Variants in USH2A observed in about 807,000 individuals in gnomAD.
USH2A encodes usherin.
USH2A carries 443 observed loss-of-function variants against 538.9 expected under a neutral mutation model. The observed-to-expected ratio is 0.82, with a 90% CI of 0.76 to 0.89. The LOEUF is 0.89. USH2A is among the 40% of genes least tolerant of loss of function. The probability of loss-of-function intolerance (pLI) is 0.00; values close to 1 mark genes in which losing one functional copy is unlikely to be tolerated. For synonymous variants in USH2A, 2,413 were observed against 2,273.5 expected (o/e 1.06, Z -1.75); for missense variants, 6,633 against 6,324.8 (o/e 1.05, Z -1.65).
intron 11 of USH2A, among the ~76,000 whole-genome samples, chr1:216,270,954 C>T (rs1324143284): frequency 6.6e-6 from 1 of 152,080 alleles, no homozygotes; most frequent in East Asian, 1.9e-4. Context: ...AAAGAGGATG[C>T]ACTTTCTGTA....
rs1408138735 is a variant in USH2A, at chr1:215,624,192, A to C, written c.*1589T>G. The C allele has an allele frequency of 6.6e-6, 1 of 152,202 alleles. No homozygotes were observed. Among genetic ancestry groups the C allele is most frequent in the East Asian group, 1.9e-4 (1 of 5,204 alleles). 9.4% of individuals were successfully genotyped at this position (152,202 alleles called of 1,614,324 possible). Reference sequence around the variant, plus strand: ...TATTTCAGATGCTTTTGTTTATAGCAGTTCTAATAAGGTGGTAGAACTTCT... The same window carrying C: ...TATTTCAGATGCTTTTGTTTATAGCCGTTCTAATAAGGTGGTAGAACTTCT... On this transcript the variant is annotated 3_prime_UTR_variant, in exon 72 of 72. Coordinates refer to ENST00000307340, the MANE Select transcript of USH2A (RefSeq NM_206933.4).
intron 32 of USH2A, among the ~76,000 whole-genome samples, chr1:216,019,096 G>C (rs751310796): frequency 9.9e-5 from 15 of 152,094 alleles, no homozygotes; most frequent in African/African-American, 3.6e-4. Flanking sequence ...ATGCAGTCAA[G>C]TATGACAATA....
chr1:215,654,052 A>T (rs1344053791), intron 64 of USH2A, among the ~76,000 whole-genome samples: 1 of 152,172 alleles, frequency 6.6e-6, no homozygotes, highest in African/African-American at 2.4e-5. Flanking sequence ...ATTATTGGGG[A>T]AGAAAAGCAA....
intron 43 of USH2A, among the ~76,000 whole-genome samples, chr1:215,868,731 A>G (rs1185648932): frequency 3.3e-5 from 5 of 152,176 alleles, no homozygotes; most frequent in Non-Finnish European, 5.9e-5. Context: ...AGAGAGAGAA[A>G]TTTTATAGAC....
chr1:215,890,690 C>G (rs957245341), intron 40 of USH2A, among the ~76,000 whole-genome samples: 2 of 152,168 alleles, frequency 1.3e-5, no homozygotes. Context: ...CTCTGGTATA[C>G]AGTAGCAGTA....
chr1:215,719,934 G>A (rs2102705933), intron 61 of USH2A, among the ~76,000 whole-genome samples: 1 of 152,254 alleles, frequency 6.6e-6, no homozygotes, highest in Admixed American at 6.5e-5. Flanking sequence ...GGAAGAGAGA[G>A]GACTCAAAAA....
At chr1:215,890,954 T>C (rs1665193757) in intron 40 of USH2A, among the ~76,000 whole-genome samples, 1 of 152,088 alleles carries the variant, frequency 6.6e-6, no homozygotes, top group Admixed American at 6.5e-5. Flanking sequence ...AATCAGAATA[T>C]TTTTTATTAG....
At chr1:215,824,213 T>A (rs1663094064) in intron 47 of USH2A, among the ~76,000 whole-genome samples, 1 of 152,194 alleles carries the variant, frequency 6.6e-6, no homozygotes, top group Non-Finnish European at 1.5e-5. Flanking sequence ...CTCTCATATA[T>A]TACTCTTCTC....
intron 32 of USH2A, among the ~76,000 whole-genome samples, chr1:216,042,857 G>A (rs1470599305): frequency 6.6e-6 from 1 of 152,022 alleles, no homozygotes; most frequent in East Asian, 1.9e-4. Flanking sequence ...GGCATCCTCA[G>A]AGGAAGAGGA....
chr1:216,408,616 T>C (rs1239652748), intron 3 of USH2A, among the ~76,000 whole-genome samples: 2 of 152,214 alleles, frequency 1.3e-5, no homozygotes, highest in African/African-American at 4.8e-5. Context: ...CAGCATATGA[T>C]CTTTTCTCTT....
chr1:216,260,979 A>G, intron 11 of USH2A, among the ~76,000 whole-genome samples: 1 of 152,204 alleles, frequency 6.6e-6, no homozygotes, highest in East Asian at 1.9e-4. Flanking sequence ...AACCTCTGCA[A>G]AGTAAAGCTG....
At chr1:216,365,612 G>C (rs1365329420) in intron 3 of USH2A, among the ~76,000 whole-genome samples, 3 of 152,088 alleles carry the variant, frequency 2.0e-5, no homozygotes, top group Non-Finnish European at 4.4e-5. Flanking sequence ...ACAAAAAGTT[G>C]CCAATCATAT....
intron 54 of USH2A, among the ~76,000 whole-genome samples, chr1:215,780,745 G>A (rs1418779935): frequency 6.6e-6 from 1 of 152,234 alleles, no homozygotes. Context: ...AATTGTTCTA[G>A]GACTAATAAC....
At chr1:215,988,381 G>C (rs904367143) in intron 35 of USH2A, among the ~76,000 whole-genome samples, 2 of 152,100 alleles carry the variant, frequency 1.3e-5, no homozygotes, top group African/African-American at 2.4e-5. Context: ...TTTTAAGGCC[G>C]AGTGATATGC....
chr1:216,405,618 C>T (rs2039382412), intron 3 of USH2A, among the ~76,000 whole-genome samples: 3 of 152,184 alleles, frequency 2.0e-5, no homozygotes, highest in Admixed American at 2.0e-4. Context: ...AATGGAACAG[C>T]CACTCTGGAA....
At chr1:215,780,129 T>G in intron 54 of USH2A, 88 bp from the exon 55 acceptor site, 4 of 1,458,172 alleles carry the variant, frequency 2.7e-6, no homozygotes, top group Non-Finnish European at 3.8e-6. Context: ...TTTTAAAATG[T>G]TGTCTGGCCT....
At chr1:216,096,683 C>T (rs756929578) in intron 22 of USH2A, among the ~76,000 whole-genome samples, 68 of 151,732 alleles carry the variant, frequency 4.5e-4, no homozygotes, top group Admixed American at 1.8e-3. Context: ...CCATAGTACC[C>T]GATAGCCACT....
Position 215,867,005 on chromosome 1 carries a change from A to C in USH2A, c.8845+2T>G, listed in dbSNP as rs1441350225. The C allele has an allele frequency of 6.2e-7, 1 of 1,614,020 alleles. No homozygotes were observed. The highest frequency in any genetic ancestry group is 1.3e-5 in the African/African-American group (1 of 74,914). ...TAACACAGGTATGAGAAGCTTACTT[A>C]CTTGGTTTAGCCCACCTCACGTCGA... On this transcript the variant is annotated splice_donor_variant, in intron 44 of 71. Coordinates refer to ENST00000307340, the MANE Select transcript of USH2A (RefSeq NM_206933.4). LOFTEE classifies it high-confidence loss of function.
At chr1:215,747,890 G>A (rs6675544) in intron 58 of USH2A, among the ~76,000 whole-genome samples, 9 of 91,232 alleles carry the variant, frequency 9.9e-5, no homozygotes, top group African/African-American at 3.5e-4. Flanking sequence ...TTGTTTGTTT[G>A]GTTTTTTTTT....
Sources: allele counts gnomAD v4.1 joint callset (sites outside exome capture counted in the v4.1 genomes callset), GRCh38; gene constraint gnomAD v4.1.1; transcripts MANE v1.5; gene names NCBI Gene and HGNC (gene_info 2026-07-23, HGNC 2026-07-21).